NEK10: variants seen among roughly 807,000 people sequenced by gnomAD.
The protein encoded by NEK10 is NIMA related kinase 10, also known as serine/threonine-protein kinase Nek10.
In NEK10, 122 loss-of-function variants were observed where a neutral mutation model predicts 159.8. The ratio of observed to expected loss-of-function variants is 0.76; its 90% CI spans 0.66 to 0.89. The LOEUF (loss-of-function observed/expected upper bound fraction) is 0.89. Among genes scored for constraint, NEK10 ranks in the 40% least tolerant of loss-of-function variants. The pLI, the probability that NEK10 is intolerant of heterozygous loss-of-function variation, is 0.00. For synonymous variants in NEK10, 466 were observed against 457.1 expected (o/e 1.02, Z -0.25); for missense variants, 1,342 against 1,323.1 (o/e 1.01, Z -0.22).
Position 27,322,236 on chromosome 3 carries a change from T to C in NEK10, c.388A>G (p.Ile130Val), listed in dbSNP as rs2045694211. 5.8e-6 allele frequency: 9 copies of C among 1,557,808 alleles called. No homozygotes were observed. Among genetic ancestry groups the C allele is most frequent in the South Asian group, 1.2e-5 (1 of 84,838 alleles). Reference protein sequence around the residue: ...SREWVNRAPSIHFLRVLICLR... With the variant: ...SREWVNRAPSVHFLRVLICLR... Reference sequence around the variant, plus strand: ...CAGATTAACACTCTCAGAAAATGAATAGATGGGGCTCGATTAACCCACTCT... The same window carrying C: ...CAGATTAACACTCTCAGAAAATGAACAGATGGGGCTCGATTAACCCACTCT... Residue 130 changes from isoleucine (I) to valine (V), a missense_variant, in exon 6 of 36, where the codon ATT (isoleucine) becomes GTT (valine). By Grantham distance (29) the Ile-to-Val change is conservative (BLOSUM62 3). Transcript: ENST00000691995.
chr3:27,299,258 T>C (rs1277695155), intron 13 of NEK10, among the ~76,000 whole-genome samples: 3 of 152,184 alleles, frequency 2.0e-5, no homozygotes. Flanking sequence ...CAGTCATGAC[T>C]AAAAGGGGCC....
intron 19 of NEK10, among the ~76,000 whole-genome samples, chr3:27,290,240 G>T (rs1405783105): frequency 6.6e-6 from 1 of 152,118 alleles, no homozygotes; most frequent in Non-Finnish European, 1.5e-5. Context: ...TTAACAGCTT[G>T]GTTCCATTTG....
chr3:27,206,591 C>A (rs1950564119), intron 23 of NEK10: 1 of 984,888 alleles, frequency 1.0e-6, no homozygotes, highest in African/African-American at 1.7e-5. Context: ...TGGATAATTT[C>A]ATTCACATCC....
chr3:27,251,913 A>C (rs185472663), intron 23 of NEK10, among the ~76,000 whole-genome samples: 2 of 152,330 alleles, frequency 1.3e-5, no homozygotes, highest in Non-Finnish European at 1.5e-5. Flanking sequence ...CCCTACCATC[A>C]AGGTACTTAC....
At chr3:27,212,733 A>T (rs1951114053) in intron 23 of NEK10, among the ~76,000 whole-genome samples, 1 of 152,222 alleles carries the variant, frequency 6.6e-6, no homozygotes, top group African/African-American at 2.4e-5. Flanking sequence ...AAACATGGGG[A>T]ACCCAGGGCT....
At chr3:27,147,257 G>C (rs1289323944) in intron 30 of NEK10, among the ~76,000 whole-genome samples, 1 of 152,192 alleles carries the variant, frequency 6.6e-6, no homozygotes, top group Non-Finnish European at 1.5e-5. Flanking sequence ...GACTGCTGAA[G>C]CTTGGGACTG....
chr3:27,179,889 T>C (rs1271756844), intron 26 of NEK10, among the ~76,000 whole-genome samples: 2 of 152,172 alleles, frequency 1.3e-5, no homozygotes, highest in East Asian at 1.9e-4. Flanking sequence ...GAGACCAGTC[T>C]GGCCAACAAG....
intron 5 of NEK10, among the ~76,000 whole-genome samples, chr3:27,338,895 T>C (rs1367129565): frequency 1.3e-5 from 2 of 152,160 alleles, no homozygotes; most frequent in African/African-American, 2.4e-5. Flanking sequence ...AAAGATTTTA[T>C]GGCTAAGACC....
At chr3:27,334,343 A>G (rs1001843317) in intron 5 of NEK10, among the ~76,000 whole-genome samples, 7 of 152,168 alleles carry the variant, frequency 4.6e-5, no homozygotes, top group Non-Finnish European at 7.4e-5. Context: ...CAAACATACC[A>G]GCTGCTCAGG....
chr3:27,201,477 T>C (rs1370737976), intron 25 of NEK10, 33 bp downstream of exon 25: 4 of 1,562,974 alleles, frequency 2.6e-6, no homozygotes, highest in Non-Finnish European at 3.5e-6. Context: ...TTCTTGATTG[T>C]CCCTACATGT....
chr3:27,250,483 G>A (rs1464746382), intron 23 of NEK10, among the ~76,000 whole-genome samples: 1 of 152,116 alleles, frequency 6.6e-6, no homozygotes, highest in East Asian at 1.9e-4. Context: ...ACTGTGCCCA[G>A]CCTGTGTATT....
chr3:27,180,699 C>T lies in NEK10; in HGVS notation c.2506-5866G>A, dbSNP rs191249262. Among the ~76,000 whole-genome samples, 15 of 152,252 alleles carry T rather than the reference C, an allele frequency of 9.9e-5. No homozygotes were observed. In the East Asian group the frequency reaches 2.5e-3, roughly 25 times the overall value. On this transcript the variant is annotated intron_variant, in intron 26 of 35. Transcript: ENST00000691995. ...TTCTTGTTAAACTGCACATTTTGCA[C>T]ATGTTGTCAAAATTCCAAACTGATT...
At chr3:27,293,080 G>C (rs927732730) in intron 16 of NEK10, among the ~76,000 whole-genome samples, 2 of 152,054 alleles carry the variant, frequency 1.3e-5, no homozygotes, top group African/African-American at 4.8e-5. Flanking sequence ...GTGACCTTTT[G>C]GTCAGGCTCA....
At chr3:27,158,898 A>G (rs552575691) in intron 30 of NEK10, among the ~76,000 whole-genome samples, 14 of 152,190 alleles carry the variant, frequency 9.2e-5, no homozygotes, top group Admixed American at 3.3e-4. Context: ...TCACAAATAT[A>G]TATCATTTCC....
intron 14 of NEK10, 106 bp downstream of exon 14, chr3:27,297,073 C>T (rs1358506760): frequency 3.1e-6 from 2 of 638,664 alleles, no homozygotes; most frequent in African/African-American, 3.6e-5. Context: ...TTTAAAATCA[C>T]ATGATGGGAA....
At chr3:27,245,814 C>T (rs189447264) in intron 23 of NEK10, among the ~76,000 whole-genome samples, 2 of 152,260 alleles carry the variant, frequency 1.3e-5, no homozygotes, top group African/African-American at 4.8e-5. Flanking sequence ...TTTGACCACA[C>T]CCCTCCCACC....
intron 23 of NEK10, among the ~76,000 whole-genome samples, chr3:27,202,819 C>T (rs1382333645): frequency 6.6e-6 from 1 of 152,124 alleles, no homozygotes; most frequent in Non-Finnish European, 1.5e-5. Flanking sequence ...GTGTTTATTT[C>T]CAGAAAGAGC....
chr3:27,310,157 T>C (rs2044576244), intron 9 of NEK10: 1 of 152,204 alleles, frequency 6.6e-6, no homozygotes, highest in African/African-American at 2.4e-5. Context: ...GTCTGATCCT[T>C]TCCTCTTTTT....
chr3:27,311,054 G>T, intron 8 of NEK10, 38 bp from the exon 9 acceptor site: 1 of 1,302,980 alleles, frequency 7.7e-7, no homozygotes, highest in Non-Finnish European at 1.1e-6. Flanking sequence ...GGCATCCAGA[G>T]ATTAAAGGGG....
Sources: allele counts gnomAD v4.1 joint callset (sites outside exome capture counted in the v4.1 genomes callset), GRCh38; gene constraint gnomAD v4.1.1; transcripts MANE v1.5; gene names NCBI Gene and HGNC (gene_info 2026-07-23, HGNC 2026-07-21).